The following CNDP1 variants were observed in gnomAD, a reference collection of about 807,000 sequenced individuals.
The protein encoded by CNDP1 is carnosine dipeptidase 1.
CNDP1 carries 44 observed loss-of-function variants against 58.1 expected under a neutral mutation model. The observed-to-expected ratio is 0.76, with a 90% CI of 0.60 to 0.97. The LOEUF (loss-of-function observed/expected upper bound fraction) is 0.97, where lower values mean the gene tolerates loss of function less well. Among genes scored for constraint, CNDP1 ranks in the 50% least tolerant of loss-of-function variants. The pLI, the probability that CNDP1 is intolerant of heterozygous loss-of-function variation, is 0.00. For synonymous variants in CNDP1, 254 were observed against 252.6 expected (o/e 1.01, Z -0.05); for missense variants, 616 against 655.1 (o/e 0.94, Z 0.65).
intron 5 of CNDP1, among the ~76,000 whole-genome samples, chr18:74,562,537 G>A (rs988012336): frequency 1.1e-4 from 17 of 152,104 alleles, no homozygotes; most frequent in Non-Finnish European, 2.2e-4. Context: ...CACAAAGTAT[G>A]ATTTGTTAGT....
chr18:74,553,798 T>C (rs1286849903), intron 1 of CNDP1, among the ~76,000 whole-genome samples: 2 of 152,206 alleles, frequency 1.3e-5, no homozygotes, highest in African/African-American at 4.8e-5. Flanking sequence ...ATGCCTGCCC[T>C]TCTCCAAGCT....
At chr18:74,561,151 A>C in intron 4 of CNDP1, 133 bp downstream of exon 4, 1 of 1,120,442 alleles carries the variant, frequency 8.9e-7, no homozygotes, top group Non-Finnish European at 1.2e-6. Flanking sequence ...GCGGTGGCTC[A>C]CGCTTGTAAT....
chr18:74,545,236 T>G lies in CNDP1; in HGVS notation c.24+10545T>G, dbSNP rs1031161619. ...GGGAAAGCCCCGCCCTCTCCTCGAA[T>G]CTGCCTTGTTCTCGACTTTACATTT... is the stretch of plus-strand genomic sequence containing the variant. On this transcript the variant is annotated intron_variant, in intron 1 of 11. Transcript: ENST00000358821. The surrounding 1 kb of genome is among the most constrained non-coding windows in gnomAD (Gnocchi z 4.1). Among the ~76,000 whole-genome samples, 1 of 152,228 alleles carries G rather than the reference T, an allele frequency of 6.6e-6. No homozygotes were observed. The highest frequency in any genetic ancestry group is 2.4e-5 in the African/African-American group (1 of 41,446).
chr18:74,561,481 T>A (rs533217289), intron 4 of CNDP1: 1 of 154,982 alleles, frequency 6.5e-6, no homozygotes, highest in South Asian at 2.0e-4. Context: ...TCACTGAGGC[T>A]GGTTTTCTTT....
chr18:74,557,117 C>T (rs148989699), intron 2 of CNDP1, among the ~76,000 whole-genome samples: 135 of 152,176 alleles, frequency 8.9e-4, no homozygotes, highest in African/African-American at 3.1e-3. Context: ...GGGATTTCCC[C>T]ATGATGGGCA....
rs779543728 is a variant in CNDP1 at position 74,576,943 on chromosome 18, G to A, written c.916G>A (p.Glu306Lys). 1 of 1,613,640 alleles carries A rather than the reference G, an allele frequency of 6.2e-7. No homozygotes were observed. Among genetic ancestry groups the A allele is most frequent in the South Asian group, 1.1e-5 (1 of 90,888 alleles). Residue 306 changes from glutamate to lysine, a missense_variant, in exon 8 of 12, where the codon GAA becomes AAA. Transcript: ENST00000358821. Reference sequence around the variant, plus strand: ...TGAAGTGGTTCCTCTTACAGAAGAGGAAATAAATACATACAAAGCCATCCA... The same window carrying A: ...TGAAGTGGTTCCTCTTACAGAAGAGAAAATAAATACATACAAAGCCATCCA... ...YDEVVPLTEE[E>K]INTYKAIHLD...
In CNDP1 at chr18:74,585,886, C is replaced by T. The variant is rs564140985; in HGVS notation, c.*1324C>T. ...GTGCATGCCTGTAGTCCCAGCTACT[C>T]GGGAGGCTGAGGCAGGAGAATCGCT... On this transcript the variant is annotated 3_prime_UTR_variant, in exon 12 of 12. Transcript: ENST00000358821. The T allele has an allele frequency of 2.1e-3, 304 of 146,616 alleles. 5 individuals carry two copies. Among genetic ancestry groups the T allele is most frequent in the Non-Finnish European group, 3.2e-3 (216 of 67,120 alleles). 9.1% of individuals were successfully genotyped at this position (146,616 alleles called of 1,614,324 possible). A position where few individuals can be genotyped will look rare whatever the true frequency, so the allele number is the denominator to read the frequency against.
intron 9 of CNDP1, among the ~76,000 whole-genome samples, chr18:74,579,223 C>CCCTTG (rs1981722984): frequency 8.5e-6 from 1 of 117,508 alleles, no homozygotes; most frequent in South Asian, 3.3e-4. Context: ...CCCTTCCCTT[C>CCCTTG]CCTTCCCTCA....
chr18:74,549,570 T>C (rs1245291335), intron 1 of CNDP1, among the ~76,000 whole-genome samples: 2 of 152,184 alleles, frequency 1.3e-5, no homozygotes, highest in Admixed American at 6.5e-5. Flanking sequence ...TTGGGAAATT[T>C]TCAGCCTGGC....
chr18:74,557,923 G>A (rs1284343907), intron 2 of CNDP1, among the ~76,000 whole-genome samples: 6 of 152,134 alleles, frequency 3.9e-5, no homozygotes, highest in Non-Finnish European at 5.9e-5. Flanking sequence ...ACCTGAGTGG[G>A]GTTTCCAGAA....
At chr18:74,578,116 A>G (rs1599102401) in intron 8 of CNDP1, 47 bp from the exon 9 acceptor site, 1 of 1,539,284 alleles carries the variant, frequency 6.5e-7, no homozygotes. Flanking sequence ...ACCCAGGTCC[A>G]CTGGGTTCTA....
intron 3 of CNDP1, among the ~76,000 whole-genome samples, chr18:74,560,636 A>G (rs1981165061): frequency 6.6e-6 from 1 of 151,960 alleles, no homozygotes; most frequent in Admixed American, 6.6e-5. Flanking sequence ...TGAGCCTGGG[A>G]GTGTGCCACT....
At chr18:74,568,096 G>A (rs986794160) in intron 6 of CNDP1, among the ~76,000 whole-genome samples, 2 of 152,192 alleles carry the variant, frequency 1.3e-5, no homozygotes, top group African/African-American at 4.8e-5. Context: ...ATCTGTGATA[G>A]TGCATAAGAC....
intron 10 of CNDP1, 66 bp downstream of exon 10, chr18:74,580,337 C>T (rs1217137457): frequency 2.0e-6 from 3 of 1,528,524 alleles, no homozygotes; most frequent in Non-Finnish European, 2.7e-6. Flanking sequence ...CCCGTGGGAC[C>T]GTGGGTAAAG....
In CNDP1 at chr18:74,567,430, G is replaced by A. The variant is rs138746215; in HGVS notation, c.753G>A (p.Val251=). Residue 251 remains valine (V), a synonymous_variant, in exon 6 of 12, where the codon GTG becomes GTA. Transcript: ENST00000358821. ...YGTRGNSYFM[V]EVKCRDQDFH... is the part of the protein sequence containing the mutation. The stretch of plus-strand genomic sequence containing the variant: ...CCCGGGGGAACAGCTACTTCATGGT[G>A]GAGGTATCCACAGAGAGCAGTGCAT... 2 of 1,613,190 alleles carry A rather than the reference G, an allele frequency of 1.2e-6. No homozygotes were observed. Among genetic ancestry groups the A allele is most frequent in the African/African-American group, 2.7e-5 (2 of 74,906 alleles).
chr18:74,556,820 G>A (rs1228962046), intron 2 of CNDP1, among the ~76,000 whole-genome samples: 1 of 152,216 alleles, frequency 6.6e-6, no homozygotes, highest in Non-Finnish European at 1.5e-5. Context: ...GCAGAGCTGG[G>A]GAGCCAGGGA....
chr18:74,565,766 G>T (rs2144660894), intron 5 of CNDP1, among the ~76,000 whole-genome samples: 1 of 152,270 alleles, frequency 6.6e-6, no homozygotes, highest in Middle Eastern at 3.4e-3. Context: ...CACGGTTCAA[G>T]CTGTCAGTGG....
intron 1 of CNDP1, among the ~76,000 whole-genome samples, chr18:74,544,191 G>T (rs143118095): frequency 2.0e-5 from 3 of 152,302 alleles, no homozygotes; most frequent in African/African-American, 7.2e-5. Flanking sequence ...GTTTGAGTTT[G>T]CAGTGAGCAG....
At chr18:74,551,361 A>AACACAC (rs74178982) in intron 1 of CNDP1, among the ~76,000 whole-genome samples, 19,120 of 147,884 alleles carry the variant, frequency 0.13, 1,389 homozygotes, top group Non-Finnish European at 0.17. Flanking sequence ...GCACAACTGT[A>AACACAC]ACACACACAC....
Sources: allele counts gnomAD v4.1 joint callset (sites outside exome capture counted in the v4.1 genomes callset), GRCh38; gene constraint gnomAD v4.1.1; non-coding constraint Gnocchi (gnomAD v3.1); transcripts MANE v1.5; gene names NCBI Gene and HGNC (gene_info 2026-07-23, HGNC 2026-07-21).